Variants in TRPC1 observed in about 807,000 individuals in gnomAD.
The protein encoded by TRPC1 is short transient receptor potential channel 1.
A neutral mutation model predicts 88.2 loss-of-function variants in TRPC1; 42 were observed. The ratio of observed to expected loss-of-function variants is 0.48; its 90% CI spans 0.37 to 0.62. TRPC1 has a LOEUF of 0.62. Ranked by LOEUF, TRPC1 falls within the 20% of genes least tolerant of loss-of-function variation. TRPC1 has a pLI of 0.00. For synonymous variants in TRPC1, 288 were observed against 331.8 expected (o/e 0.87, Z 1.43); for missense variants, 699 against 957.3 (o/e 0.73, Z 3.56).
chr3:142,731,216 A>T (rs530747220), intron 1 of TRPC1, among the ~76,000 whole-genome samples: 1 of 152,086 alleles, frequency 6.6e-6, no homozygotes, highest in Non-Finnish European at 1.5e-5. Flanking sequence ...TTGGTTTGGA[A>T]TGATCATTGG....
chr3:142,773,044 A>G (rs1048907731), intron 4 of TRPC1, among the ~76,000 whole-genome samples: 1 of 151,990 alleles, frequency 6.6e-6, no homozygotes, highest in Admixed American at 6.6e-5. Context: ...TTTTCATTGT[A>G]CCTTAATTTC....
Position 142,724,673 on chromosome 3 carries a change from G to T in TRPC1, c.114G>T (p.Arg38=). The change falls in exon 1 of 13, where the codon CGG becomes CGT. Residue 38 remains arginine (R), a synonymous_variant. Transcript: ENST00000476941. The surrounding 1 kb of genome is among the most constrained non-coding windows in gnomAD (Gnocchi z 5.6). The part of the protein sequence containing the change: ...PNEVMALKDV[R]EVKEENTLNE... ...AGGTGATGGCGCTGAAGGATGTGCG[G>T]GAGGTGAAGGAGGAGAATACGCTGA... 6.2e-7 allele frequency: 1 copy of T among 1,611,154 alleles called. No homozygotes were observed. The highest frequency in any genetic ancestry group is 8.5e-7 in the Non-Finnish European group (1 of 1,178,250).
At chr3:142,765,056 A>G (rs2108082698) in intron 4 of TRPC1, among the ~76,000 whole-genome samples, 1 of 152,316 alleles carries the variant, frequency 6.6e-6, no homozygotes, top group East Asian at 1.9e-4. Context: ...TCAAGAATGC[A>G]GTCCCATTTA....
chr3:142,762,428 ATTTTTTTTT>A (rs755194552), intron 4 of TRPC1, among the ~76,000 whole-genome samples: 2 of 103,660 alleles, frequency 1.9e-5, no homozygotes, highest in African/African-American at 3.7e-5. Context: ...TTTATTCTTG[ATTTTTTTTT>A]TTTTTTTTTT....
Position 142,802,374 on chromosome 3 carries a change from A to G in TRPC1, c.1757+30A>G, listed in dbSNP as rs773114411. 3.2e-5 allele frequency: 42 copies of G among 1,326,930 alleles called. No homozygotes were observed. In the East Asian group the frequency reaches 5.7e-4, roughly 18 times the overall value. The allele number at this position is 1,326,930 out of a possible 1,614,324, so 82.2% of individuals were successfully genotyped here. ...GTATCTTTTAAATGTTTTAGTAAAT[A>G]TATTTGTCTTTTTTTTTTTTACCAT... On this transcript the variant is annotated intron_variant, in intron 10 of 12. Coordinates refer to ENST00000476941, the MANE Select transcript of TRPC1 (RefSeq NM_001251845.2).
At chr3:142,741,889 G>A (rs1054236018) in intron 2 of TRPC1, among the ~76,000 whole-genome samples, 6 of 152,150 alleles carry the variant, frequency 3.9e-5, no homozygotes, top group East Asian at 1.9e-4. Flanking sequence ...TAGGCTGGGC[G>A]CAGTGGCTCA....
intron 7 of TRPC1, among the ~76,000 whole-genome samples, chr3:142,788,070 A>G (rs72990735): frequency 0.028 from 4,217 of 152,306 alleles, 210 homozygotes; most frequent in African/African-American, 0.097. Flanking sequence ...CAGACCATGC[A>G]TGGCCTTGTA....
chr3:142,783,779 T>C (rs1448264209), intron 6 of TRPC1, among the ~76,000 whole-genome samples: 2 of 152,188 alleles, frequency 1.3e-5, no homozygotes, highest in Admixed American at 6.6e-5. Flanking sequence ...AAACAGAAGG[T>C]TGACCAAATA....
chr3:142,749,414 C>T (rs115361019), intron 4 of TRPC1, among the ~76,000 whole-genome samples: 46 of 152,236 alleles, frequency 3.0e-4, no homozygotes, highest in East Asian at 5.8e-4. Context: ...AAAACAGCCT[C>T]AGGCAGTTCC....
At chr3:142,742,495 A>G (rs966267080) in intron 2 of TRPC1, among the ~76,000 whole-genome samples, 5 of 152,140 alleles carry the variant, frequency 3.3e-5, no homozygotes, top group African/African-American at 1.2e-4. Flanking sequence ...AAAGTCTGCC[A>G]CTTTTAGTTC....
chr3:142,768,146 G>T (rs1935461173), intron 4 of TRPC1, among the ~76,000 whole-genome samples: 1 of 151,946 alleles, frequency 6.6e-6, no homozygotes, highest in African/African-American at 2.4e-5. Context: ...ATGTACTCTT[G>T]AAATAATATA....
intron 1 of TRPC1, among the ~76,000 whole-genome samples, chr3:142,733,213 A>G (rs1431836996): frequency 1.3e-5 from 2 of 152,076 alleles, no homozygotes; most frequent in Non-Finnish European, 2.9e-5. Flanking sequence ...CAATAGAAAT[A>G]ATCTTTAAAA....
At chr3:142,777,199 G>C (rs1479130674) in intron 4 of TRPC1, among the ~76,000 whole-genome samples, 2 of 152,008 alleles carry the variant, frequency 1.3e-5, no homozygotes, top group African/African-American at 4.8e-5. Context: ...TAATCACAAG[G>C]CTGAAGTGGG....
At chr3:142,741,517 G>A (rs1421061040) in intron 2 of TRPC1, among the ~76,000 whole-genome samples, 3 of 152,144 alleles carry the variant, frequency 2.0e-5, no homozygotes, top group African/African-American at 7.2e-5. Context: ...GCTTTAGACT[G>A]TTGTGCATTG....
intron 9 of TRPC1, among the ~76,000 whole-genome samples, chr3:142,796,705 C>T (rs1489736275): frequency 1.3e-5 from 2 of 152,100 alleles, no homozygotes; most frequent in African/African-American, 4.8e-5. Context: ...AACACAGTAT[C>T]TGTGGAGCAC....
chr3:142,762,469 A>G (rs1577972920), intron 4 of TRPC1, among the ~76,000 whole-genome samples: 1 of 118,982 alleles, frequency 8.4e-6, no homozygotes, highest in Admixed American at 1.1e-4. Context: ...TCGCTTTGTC[A>G]CCCAGGCTGG....
intron 1 of TRPC1, among the ~76,000 whole-genome samples, chr3:142,735,845 A>G (rs1295541639): frequency 2.6e-5 from 4 of 152,078 alleles, no homozygotes; most frequent in African/African-American, 7.2e-5. Context: ...TCCCTTTACT[A>G]TACATATCCT....
chr3:142,806,504 G>A lies in TRPC1; in HGVS notation c.*269G>A, dbSNP rs1936798169. The A allele has an allele frequency of 8.5e-6, 2 of 236,458 alleles. No individual in the cohort carries two copies. The highest frequency in any genetic ancestry group is 2.0e-4 in the South Asian group (2 of 10,250). 14.6% of individuals were successfully genotyped at this position (236,458 alleles called of 1,614,324 possible). On this transcript the variant is annotated 3_prime_UTR_variant, in exon 13 of 13. Transcript: ENST00000476941. The stretch of plus-strand genomic sequence containing the variant: ...ATGCTGCTTGGTTTTCTTACTTAGT[G>A]CTTTAAAATGTTTTTTTTTATGTTT...
chr3:142,725,339 C>G (rs1369830254), intron 1 of TRPC1, among the ~76,000 whole-genome samples: 6 of 152,152 alleles, frequency 3.9e-5, no homozygotes, highest in Non-Finnish European at 5.9e-5. Flanking sequence ...GCCTTAGTTG[C>G]CAAAACTTTC....
Sources: gnomAD v4.1 joint callset for allele counts (sites outside exome capture counted in the v4.1 genomes callset) on GRCh38, gnomAD v4.1.1 for gene constraint, Gnocchi (gnomAD v3.1) non-coding constraint, MANE v1.5 for transcripts, NCBI Gene and HGNC (gene_info 2026-07-23, HGNC 2026-07-21) for gene names.